The following DIAPH2 variants were observed in gnomAD, a reference collection of about 807,000 sequenced individuals.
The protein encoded by DIAPH2 is diaphanous related formin 2, also known as protein diaphanous homolog 2.
A neutral mutation model predicts 92.7 loss-of-function variants in DIAPH2; 35 were observed. The ratio of observed to expected loss-of-function variants is 0.38; its 90% confidence interval spans 0.29 to 0.50. The LOEUF (loss-of-function observed/expected upper bound fraction) is 0.50. DIAPH2 is among the 20% of genes least tolerant of loss of function. DIAPH2 has a pLI of 0.94. For synonymous variants in DIAPH2, 301 were observed against 280.4 expected (o/e 1.07, Z -0.73); for missense variants, 701 against 819.5 (o/e 0.86, Z 1.77).
rs182279077 is a variant in DIAPH2 at position 97,302,294 on chromosome X, C to A, written c.2845-45822C>A. On this transcript the variant is annotated intron_variant, in intron 23 of 26. Transcript: ENST00000324765. Reference sequence around the variant, plus strand: ...CTGTAATCCCAGCACTTTGGGAGGCCGAGGTGGGCGGATCACCTGAGGGCA... The same window carrying A: ...CTGTAATCCCAGCACTTTGGGAGGCAGAGGTGGGCGGATCACCTGAGGGCA... Among the ~76,000 whole-genome samples the A allele has an allele frequency of 3.9e-3, 423 of 108,009 alleles. 3 individuals are homozygous for A. The highest frequency in any genetic ancestry group is 0.012 in the African/African-American group (367 of 29,554). The allele number at this position is 108,009 out of a possible 115,157, so 93.8% of individuals were successfully genotyped here.
intron 23 of DIAPH2, among the ~76,000 whole-genome samples, chrX:97,329,800 C>T (rs1411386892): frequency 9.2e-6 from 1 of 108,374 alleles, no homozygotes; most frequent in Non-Finnish European, 1.9e-5. Flanking sequence ...AGCCTTTGCT[C>T]GACATTGTCA....
chrX:97,203,674 T>C (rs771788901), intron 22 of DIAPH2, among the ~76,000 whole-genome samples: 1 of 111,826 alleles, frequency 8.9e-6, no homozygotes, highest in Admixed American at 9.5e-5. Context: ...ATTGAGGCAG[T>C]AATTAATAGC....
At chrX:97,034,643 G>GT (rs1315976968) in intron 17 of DIAPH2, among the ~76,000 whole-genome samples, 2 of 110,791 alleles carry the variant, frequency 1.8e-5, no homozygotes, top group Non-Finnish European at 3.8e-5. Context: ...GTACCACTGA[G>GT]TTTTTTTTAA....
At position 97,332,814 on chromosome X, in the gene DIAPH2, A is replaced by G. The variant is rs180881713; in HGVS notation, c.2845-15302A>G. Among the ~76,000 whole-genome samples, 351 of 111,755 alleles carry G rather than the reference A, an allele frequency of 3.1e-3. 1 individual carries two copies. The highest frequency in any genetic ancestry group is 0.01 in the African/African-American group (323 of 30,845). ...AGAAACATCGTCTCAGACACTTGGCATCACCATTTCTAAGTAATTTCATAA... is the reference window on the plus strand; with the variant it reads ...AGAAACATCGTCTCAGACACTTGGCGTCACCATTTCTAAGTAATTTCATAA... On this transcript the variant is annotated intron_variant, in intron 23 of 26. Transcript: ENST00000324765.
chrX:97,328,899 A>T (rs2068974344), intron 23 of DIAPH2, among the ~76,000 whole-genome samples: 1 of 111,771 alleles, frequency 8.9e-6, no homozygotes, highest in Admixed American at 9.6e-5. Context: ...ATACATCATT[A>T]AAAGTATTTA....
intron 17 of DIAPH2, among the ~76,000 whole-genome samples, chrX:97,066,047 T>G (rs2066632118): frequency 8.9e-6 from 1 of 112,433 alleles, no homozygotes; most frequent in Non-Finnish European, 1.9e-5. Flanking sequence ...AACAAAAAGT[T>G]TATAATTACT....
chrX:96,930,645 G>T, intron 9 of DIAPH2, 88 bp from the exon 10 acceptor site: 1 of 583,767 alleles, frequency 1.7e-6, no homozygotes. Context: ...CATTATGTGT[G>T]TATGCCTTTA....
chrX:97,260,186 A>ATT (rs1219441561), intron 23 of DIAPH2, among the ~76,000 whole-genome samples: 2 of 112,678 alleles, frequency 1.8e-5, no homozygotes, highest in Non-Finnish European at 3.7e-5. Context: ...TTTCACAAAT[A>ATT]TTTATTGGTT....
intron 26 of DIAPH2, among the ~76,000 whole-genome samples, chrX:97,482,575 A>G (rs2070658295): frequency 9.0e-6 from 1 of 111,248 alleles, no homozygotes; most frequent in African/African-American, 3.3e-5. Context: ...GACTCTCTCA[A>G]ACATCTGTGA....
At chrX:97,137,126 G>A (rs1176800712) in intron 21 of DIAPH2, among the ~76,000 whole-genome samples, 7 of 107,044 alleles carry the variant, frequency 6.5e-5, no homozygotes, top group African/African-American at 2.4e-4. Context: ...AAAATGTACA[G>A]TGCTACATTT....
At chrX:97,176,865 C>T (rs1468082247) in intron 22 of DIAPH2, among the ~76,000 whole-genome samples, 2 of 111,801 alleles carry the variant, frequency 1.8e-5, no homozygotes, top group Non-Finnish European at 3.8e-5. Context: ...TTCCGAAATT[C>T]GTGGATGCTC....
intron 26 of DIAPH2, chrX:97,533,429 A>G (rs1035384166): frequency 9.9e-5 from 11 of 111,124 alleles, no homozygotes; most frequent in South Asian, 7.6e-4. Flanking sequence ...CATTGCATAC[A>G]CTGTTAAATA....
chrX:97,118,982 A>G (rs962653954), intron 21 of DIAPH2, among the ~76,000 whole-genome samples: 11 of 111,396 alleles, frequency 9.9e-5, no homozygotes, highest in African/African-American at 3.6e-4. Context: ...ATTTCCTTGC[A>G]TTGGGCTTCA....
intron 17 of DIAPH2, among the ~76,000 whole-genome samples, chrX:96,972,440 CAG>C (rs1312783201): frequency 9.0e-6 from 1 of 111,261 alleles, no homozygotes; most frequent in Non-Finnish European, 1.9e-5. Context: ...TATTTAAAAA[CAG>C]ATTATTTCTG....
At chrX:97,031,371 C>T (rs2066373555) in intron 17 of DIAPH2, among the ~76,000 whole-genome samples, 1 of 109,126 alleles carries the variant, frequency 9.2e-6, no homozygotes. Flanking sequence ...ACATCCTAAA[C>T]TGTGATAATA....
At chrX:97,194,773 A>G (rs1032819468) in intron 22 of DIAPH2, among the ~76,000 whole-genome samples, 1 of 112,023 alleles carries the variant, frequency 8.9e-6, no homozygotes, top group Non-Finnish European at 1.9e-5. Context: ...GCTTAACAGT[A>G]TACAGGCACA....
chrX:97,099,322 C>G (rs770459720), intron 19 of DIAPH2, among the ~76,000 whole-genome samples: 73 of 109,389 alleles, frequency 6.7e-4, no homozygotes, highest in African/African-American at 2.4e-3. Flanking sequence ...GCCGAGATCG[C>G]GCCACTGCAC....
Position 96,811,354 on chromosome X carries a change from T to G in DIAPH2, c.447+53096T>G, listed in dbSNP as rs780435302. On this transcript the variant is annotated intron_variant, in intron 4 of 26. Coordinates refer to ENST00000324765, the MANE Select transcript of DIAPH2 (RefSeq NM_006729.5). ...GGTATATAGAAATGCTTGTGATTTT[T>G]GTACATTGATTTTGTATCCTGAGAC... is the stretch of plus-strand genomic sequence containing the variant. 4.5e-5 allele frequency among the ~76,000 whole-genome samples: 5 copies of G among 112,100 alleles called. No individual in the cohort carries two copies. The South Asian group carries it at 1.9e-3, about 42-fold the overall frequency.
At chrX:97,163,893 A>G (rs991125661) in intron 22 of DIAPH2, among the ~76,000 whole-genome samples, 1 of 112,322 alleles carries the variant, frequency 8.9e-6, no homozygotes, top group Non-Finnish European at 1.9e-5. Context: ...TAAGTTTTAT[A>G]CAGAACAATT....
Sources: gnomAD v4.1 joint callset for allele counts (sites outside exome capture counted in the v4.1 genomes callset) on GRCh38, gnomAD v4.1.1 for gene constraint, MANE v1.5 for transcripts, NCBI Gene and HGNC (gene_info 2026-07-23, HGNC 2026-07-21) for gene names.